PCDHA7: variants seen among roughly 807,000 people sequenced by gnomAD.
The protein encoded by PCDHA7 is protocadherin alpha 7.
A neutral mutation model predicts 57.2 loss-of-function variants in PCDHA7; 37 were observed. The observed-to-expected ratio is 0.65, with a 90% CI of 0.50 to 0.85. The LOEUF (loss-of-function observed/expected upper bound fraction) is 0.85, where lower values mean the gene tolerates loss of function less well. Among genes scored for constraint, PCDHA7 ranks in the 40% least tolerant of loss-of-function variants. The probability of loss-of-function intolerance (pLI) is 0.00; values close to 1 mark genes in which losing one functional copy is unlikely to be tolerated. For missense variants in PCDHA7, 1,188 were observed against 1,241.8 expected, an observed-to-expected ratio of 0.96 and a Z score of 0.65; for synonymous variants, 553 against 558.8, an observed-to-expected ratio of 0.99 and a Z score of 0.15.
chr5:140,978,406 T>C (rs1268497033), intron 1 of PCDHA7, among the ~76,000 whole-genome samples: 1 of 152,206 alleles, frequency 6.6e-6, no homozygotes, highest in African/African-American at 2.4e-5. Context: ...CCCTCTTCAA[T>C]CAGAAAAGAG....
intron 1 of PCDHA7, among the ~76,000 whole-genome samples, chr5:140,872,315 AAAT>A (rs1554166135): frequency 1.3e-5 from 2 of 152,130 alleles, no homozygotes. Context: ...TGCTTTATGG[AAAT>A]AATATGACTA....
intron 1 of PCDHA7, among the ~76,000 whole-genome samples, chr5:140,936,879 C>A (rs2091197572): frequency 6.6e-6 from 1 of 152,054 alleles, no homozygotes; most frequent in African/African-American, 2.4e-5. Flanking sequence ...AAAAACCCTG[C>A]TTTGATTTTA....
intron 1 of PCDHA7, chr5:140,843,522 C>T: frequency 1.1e-5 from 17 of 1,595,794 alleles, no homozygotes; most frequent in Non-Finnish European, 1.5e-5. Flanking sequence ...GGGTGCCGGG[C>T]GGGCAAGCCC....
At chr5:140,872,920 T>C (rs2153277088) in intron 1 of PCDHA7, among the ~76,000 whole-genome samples, 1 of 152,356 alleles carries the variant, frequency 6.6e-6, no homozygotes, top group South Asian at 2.1e-4. Flanking sequence ...TAATGCCTTA[T>C]CTCTAATGTT....
At chr5:140,969,865 C>T (rs982289120) in intron 1 of PCDHA7, among the ~76,000 whole-genome samples, 1 of 152,204 alleles carries the variant, frequency 6.6e-6, no homozygotes. Flanking sequence ...GGTACTTGCA[C>T]TGAACCTATG....
chr5:140,934,528 G>T (rs782284913), intron 1 of PCDHA7, among the ~76,000 whole-genome samples: 26 of 152,112 alleles, frequency 1.7e-4, no homozygotes, highest in Non-Finnish European at 2.2e-4. Flanking sequence ...CACTTCGAGA[G>T]CTACCGTTCT....
intron 1 of PCDHA7, among the ~76,000 whole-genome samples, chr5:140,937,417 A>T (rs1226073587): frequency 5.3e-5 from 8 of 152,154 alleles, no homozygotes; most frequent in African/African-American, 1.9e-4. Context: ...CTTTTATTAG[A>T]TAGCTGATAT....
At chr5:140,870,634 G>A (rs782716769) in intron 1 of PCDHA7, 49 of 1,612,744 alleles carry the variant, frequency 3.0e-5, no homozygotes, top group Non-Finnish European at 3.9e-5. Context: ...GTCGGTGCAC[G>A]CGGAGAGCGG....
intron 1 of PCDHA7, chr5:140,927,906 CG>C: frequency 6.2e-7 from 1 of 1,614,180 alleles, no homozygotes. Context: ...ATCATGCCCC[CG>C]AACTGGACTT....
At position 140,876,399 on chromosome 5, in the gene PCDHA7, T is replaced by C. The variant is rs141337647; in HGVS notation, c.2355+39661T>C. The C allele has an allele frequency of 1.9e-4, 306 of 1,613,906 alleles. 1 individual carries two copies. In the African/African-American group the frequency reaches 3.4e-3, roughly 18 times the overall value. On this transcript the variant is annotated intron_variant, in intron 1 of 3. Transcript: ENST00000525929. Reference sequence around the variant, plus strand: ...AAATTAGAATTTATGGTGAACTGGATTTTGAAGAGAATAATGCCTATGAAA... The same window carrying C: ...AAATTAGAATTTATGGTGAACTGGACTTTGAAGAGAATAATGCCTATGAAA...
chr5:140,930,203 T>C (rs1486886896), intron 1 of PCDHA7: 6 of 152,202 alleles, frequency 3.9e-5, no homozygotes, highest in African/African-American at 1.4e-4. Flanking sequence ...ATGTCAGAAA[T>C]ATTTATGTGT....
intron 1 of PCDHA7, chr5:140,927,217 A>C: frequency 6.2e-7 from 1 of 1,614,082 alleles, no homozygotes; most frequent in Non-Finnish European, 8.5e-7. Context: ...GGAGCTGCAC[A>C]AGATTCGGAT....
In PCDHA7 at chr5:140,843,462, C is replaced by T. The variant is rs2150360645; in HGVS notation, c.2355+6724C>T. 3.1e-6 allele frequency: 5 copies of T among 1,596,046 alleles called. 1 individual carries two copies. The highest frequency in any genetic ancestry group is 2.2e-5 in the East Asian group (1 of 44,822). ...GCGGTATCCAGCCTGCTGGTGCTCACGCTGCTGCTGTACACTGCGCTGCGG... is the reference window on the plus strand; with the variant it reads ...GCGGTATCCAGCCTGCTGGTGCTCATGCTGCTGCTGTACACTGCGCTGCGG... On this transcript the variant is annotated intron_variant, in intron 1 of 3. Coordinates refer to ENST00000525929, the MANE Select transcript of PCDHA7 (RefSeq NM_018910.3).
At chr5:140,838,881 C>T (rs2150293311) in intron 1 of PCDHA7, among the ~76,000 whole-genome samples, 1,566 of 151,954 alleles carry the variant, frequency 0.01, 49 homozygotes, top group African/African-American at 0.036. Flanking sequence ...TGCCACTGAA[C>T]TCCAGCCTAG....
intron 1 of PCDHA7, chr5:140,969,483 G>C (rs531496681): frequency 1.4e-6 from 2 of 1,462,372 alleles, no homozygotes; most frequent in African/African-American, 1.4e-5. Context: ...ATCATAATCT[G>C]CTATTTCCTC....
At chr5:140,863,360 G>T in intron 1 of PCDHA7, 1 of 1,206,130 alleles carries the variant, frequency 8.3e-7, no homozygotes, top group Non-Finnish European at 1.2e-6. Context: ...ACGCTGCGGT[G>T]CTTGGCGCAG....
intron 1 of PCDHA7, chr5:140,871,241 C>G (rs782602807): frequency 3.7e-6 from 6 of 1,613,972 alleles, no homozygotes; most frequent in Non-Finnish European, 5.1e-6. Flanking sequence ...CTGGTACTCA[C>G]GCTGCTGCTG....
chr5:140,916,602 C>T (rs1554197542), intron 1 of PCDHA7, among the ~76,000 whole-genome samples: 2 of 152,240 alleles, frequency 1.3e-5, no homozygotes, highest in African/African-American at 2.4e-5. Context: ...GCCTGGAATG[C>T]GGGCCTCATG....
At chr5:140,948,868 G>A (rs191976148) in intron 1 of PCDHA7, among the ~76,000 whole-genome samples, 20 of 151,330 alleles carry the variant, frequency 1.3e-4, no homozygotes, top group African/African-American at 4.8e-4. Context: ...ATTACTTCGG[G>A]TTTACTTTGC....
Sources: gnomAD v4.1 joint callset for allele counts (sites outside exome capture counted in the v4.1 genomes callset) on GRCh38, gnomAD v4.1.1 for gene constraint, MANE v1.5 for transcripts, NCBI Gene and HGNC (gene_info 2026-07-23, HGNC 2026-07-21) for gene names.